The following ACTG2 variants were observed in gnomAD, a reference collection of about 807,000 sequenced individuals.
ACTG2 encodes the protein actin gamma 2, smooth muscle, also known as actin, gamma-enteric smooth muscle.
A neutral mutation model predicts 37.6 loss-of-function variants in ACTG2; 16 were observed. The observed-to-expected ratio is 0.43, with a 90% CI of 0.29 to 0.65. ACTG2 has a LOEUF of 0.65. ACTG2 is among the 30% of genes least tolerant of loss of function. The pLI, the probability that ACTG2 is intolerant of heterozygous loss-of-function variation, is 0.18. For missense variants in ACTG2, 238 were observed against 490.9 expected, an observed-to-expected ratio of 0.48 and a Z score of 4.87; for synonymous variants, 181 against 179.9, an observed-to-expected ratio of 1.01 and a Z score of -0.05.
At chr2:73,906,465 A>T (rs1726022) in intron 3 of ACTG2, among the ~76,000 whole-genome samples, 76,779 of 149,078 alleles carry the variant, frequency 0.52, 20,856 homozygotes, top group Admixed American at 0.64. Context: ...TAAAAAATAA[A>T]AAATAAATAA....
intron 5 of ACTG2, among the ~76,000 whole-genome samples, chr2:73,911,078 C>T (rs1680124160): frequency 6.6e-6 from 1 of 152,144 alleles, no homozygotes; most frequent in Non-Finnish European, 1.5e-5. Flanking sequence ...ATGGAGCTGT[C>T]ATCTCCTATG....
chr2:73,913,401 A>C, intron 5 of ACTG2, 84 bp from the exon 6 acceptor site: 6 of 1,248,768 alleles, frequency 4.8e-6, no homozygotes, highest in Non-Finnish European at 6.5e-6. Context: ...TATGGTAGTC[A>C]GAGCTCATTG....
At chr2:73,919,338 T>C (rs1680331902) in intron 8 of ACTG2, 94 bp from the exon 9 acceptor site, 4 of 1,432,822 alleles carry the variant, frequency 2.8e-6, no homozygotes, top group East Asian at 4.6e-5. Context: ...TTTCTGACCA[T>C]GGGGCTCCCC....
intron 1 of ACTG2, among the ~76,000 whole-genome samples, chr2:73,893,742 C>T (rs977096637): frequency 1.3e-5 from 2 of 152,158 alleles, no homozygotes; most frequent in Non-Finnish European, 2.9e-5. Flanking sequence ...GACGTACAGC[C>T]ACTCATCCAA....
chr2:73,910,365 C>CTTTT lies in ACTG2; in HGVS notation c.451+1243_451+1246dup, dbSNP rs1190070765. Among the ~76,000 whole-genome samples, 68 of 80,690 alleles carry CTTTT rather than the reference C, an allele frequency of 8.4e-4. 8 individuals carry two copies. Among genetic ancestry groups the CTTTT allele is most frequent in the East Asian group, 2.0e-3 (5 of 2,556 alleles). 52.9% of individuals were successfully genotyped at this position (80,690 alleles called of 152,430 possible). On this transcript the variant is annotated intron_variant, in intron 5 of 8. Coordinates refer to ENST00000345517, the MANE Select transcript of ACTG2 (RefSeq NM_001615.4). ...GTAATAGAAAAACATCTTTTTTCGA[C>CTTTT]TTTTTTTTTTTTTTTTTTTTGAGAC...
chr2:73,902,580 T>A, intron 3 of ACTG2, 92 bp downstream of exon 3: 1 of 1,575,652 alleles, frequency 6.3e-7, no homozygotes, highest in African/African-American at 1.3e-5. Context: ...CTGTCAACTC[T>A]CCCTCTAAAA....
At chr2:73,906,483 A>AATAAATAAATAAATAAATAC (rs142230122) in intron 3 of ACTG2, among the ~76,000 whole-genome samples, 9 of 149,998 alleles carry the variant, frequency 6.0e-5, no homozygotes, top group South Asian at 2.1e-4. Flanking sequence ...TAAATAAATA[A>AATAAATAAATAAATAAATAC]ATACATAAAA....
chr2:73,907,292 A>T (rs976785003), intron 3 of ACTG2, among the ~76,000 whole-genome samples: 1 of 152,076 alleles, frequency 6.6e-6, no homozygotes. Flanking sequence ...CCGTCTTAGC[A>T]CAAACCTGGC....
intron 3 of ACTG2, among the ~76,000 whole-genome samples, chr2:73,906,080 G>A (rs1680008631): frequency 6.6e-6 from 1 of 151,748 alleles, no homozygotes; most frequent in African/African-American, 2.4e-5. Flanking sequence ...TAAAGACAAA[G>A]GTTAGGAAAA....
chr2:73,919,623 A>T lies in ACTG2; in HGVS notation c.*48A>T, dbSNP rs759592100. On this transcript the variant is annotated 3_prime_UTR_variant, in exon 9 of 9. Transcript: ENST00000345517. ...ATCCCCTCGAGACTACTCTGTTACC[A>T]GTCATGAAACATTAAAACCTACAAG... The T allele has an allele frequency of 6.3e-7, 1 of 1,589,802 alleles. No individual in the cohort carries two copies. Among genetic ancestry groups the T allele is most frequent in the Admixed American group, 1.8e-5 (1 of 56,556 alleles).
At chr2:73,911,011 C>T (rs2463120) in intron 5 of ACTG2, among the ~76,000 whole-genome samples, 92,059 of 151,912 alleles carry the variant, frequency 0.61, 28,792 homozygotes, top group Admixed American at 0.72. Flanking sequence ...ATCAATACCA[C>T]TGTATTTCAT....
intron 7 of ACTG2, 22 bp downstream of exon 7, chr2:73,914,893 C>A: frequency 6.6e-7 from 1 of 1,510,344 alleles, no homozygotes; most frequent in Non-Finnish European, 8.9e-7. Flanking sequence ...CCCACAGTCC[C>A]TGCCAATCTC....
intron 5 of ACTG2, among the ~76,000 whole-genome samples, chr2:73,909,855 A>T (rs554275982): frequency 6.6e-6 from 1 of 152,206 alleles, no homozygotes; most frequent in Non-Finnish European, 1.5e-5. Flanking sequence ...GTGAAGACCT[A>T]AAATGTTACT....
intron 1 of ACTG2, among the ~76,000 whole-genome samples, chr2:73,894,009 A>G (rs1679686804): frequency 6.6e-6 from 1 of 152,210 alleles, no homozygotes; most frequent in South Asian, 2.1e-4. Context: ...AAATGGGGGC[A>G]AGAATAATAA....
chr2:73,907,247 T>C lies in ACTG2; in HGVS notation c.256-1426T>C, dbSNP rs146173543. On this transcript the variant is annotated intron_variant, in intron 3 of 8. Coordinates refer to ENST00000345517, the MANE Select transcript of ACTG2 (RefSeq NM_001615.4). ...CTTTGCAACTGAGAATAGGGTGCCA[T>C]GTCTGATTCATATCTGCCCTCATCA... 3.4e-3 allele frequency among the ~76,000 whole-genome samples: 511 copies of C among 152,316 alleles called. 3 individuals carry two copies. The highest frequency in any genetic ancestry group is 0.012 in the African/African-American group (492 of 41,576).
intron 1 of ACTG2, among the ~76,000 whole-genome samples, chr2:73,895,944 T>C (rs1210056712): frequency 6.6e-6 from 1 of 152,236 alleles, no homozygotes; most frequent in African/African-American, 2.4e-5. Flanking sequence ...GATGTGGCTG[T>C]GTTTCAGTAA....
At position 73,913,151 on chromosome 2, in the gene ACTG2, A is replaced by G. The variant is rs145844452; in HGVS notation, c.452-334A>G. On this transcript the variant is annotated intron_variant, in intron 5 of 8. Coordinates refer to ENST00000345517, the MANE Select transcript of ACTG2 (RefSeq NM_001615.4). ...GCCATTGCACTCCAGCCTGGGCAAC[A>G]AGAGCAAAACTCTGTCTCCAAAAAA... Among the ~76,000 whole-genome samples, 308 of 145,988 alleles carry G rather than the reference A, an allele frequency of 2.1e-3. 1 individual carries two copies. The highest frequency in any genetic ancestry group is 6.2e-3 in the African/African-American group (246 of 39,560).
At chr2:73,906,569 C>T (rs959791879) in intron 3 of ACTG2, among the ~76,000 whole-genome samples, 3 of 152,164 alleles carry the variant, frequency 2.0e-5, no homozygotes, top group Non-Finnish European at 2.9e-5. Context: ...TGGTCTTGGC[C>T]TCCTGGGCTC....
In ACTG2 at chr2:73,894,370, G is replaced by T. The variant is rs113356229; in HGVS notation, c.-37+1319G>T. On this transcript the variant is annotated intron_variant, in intron 1 of 8. Transcript: ENST00000345517. ...GAGGAAGAGCTTCCTGTGACAGAGAGGGATGGGTGCTGGAGAAACTGCAAT... is the reference window on the plus strand; with the variant it reads ...GAGGAAGAGCTTCCTGTGACAGAGATGGATGGGTGCTGGAGAAACTGCAAT... 6.1e-3 allele frequency among the ~76,000 whole-genome samples: 924 copies of T among 152,270 alleles called. 5 individuals carry two copies. Among genetic ancestry groups the T allele is most frequent in the African/African-American group, 0.021 (864 of 41,532 alleles).
Sources: gnomAD v4.1 joint callset for allele counts (sites outside exome capture counted in the v4.1 genomes callset) on GRCh38, gnomAD v4.1.1 for gene constraint, MANE v1.5 for transcripts, NCBI Gene and HGNC (gene_info 2026-07-23, HGNC 2026-07-21) for gene names.